The following GNAS variants were observed in gnomAD, a reference collection of about 807,000 sequenced individuals.
GNAS encodes the protein protein ALEX.
In GNAS, 8 loss-of-function variants were observed where a neutral mutation model predicts 54.5. That is an observed-to-expected ratio of 0.15 (90% CI 0.09 to 0.26). The LOEUF (loss-of-function observed/expected upper bound fraction) is 0.26. Ranked by LOEUF, GNAS falls within the 10% of genes least tolerant of loss-of-function variation. The pLI is 1.00. For synonymous variants in GNAS, 204 were observed against 191.4 expected, an observed-to-expected ratio of 1.07 and a Z score of -0.54; for missense variants, 170 against 529.8, an observed-to-expected ratio of 0.32 and a Z score of 6.67.
chr20:58,892,826 G>A (rs929689002), intron 1 of GNAS, among the ~76,000 whole-genome samples: 10 of 151,700 alleles, frequency 6.6e-5, no homozygotes, highest in African/African-American at 2.4e-4. Context: ...TTCCAGACTT[G>A]CAGGCTTTTT....
In GNAS at chr20:58,891,682, G is replaced by GCCGCCGCCGCAGCCCGGCCGCGCC. The variant is rs777741604; in HGVS notation, c.-34_-11dup. The GCCGCCGCCGCAGCCCGGCCGCGCC allele has an allele frequency of 7.3e-6, 7 of 962,522 alleles. No homozygotes were observed. Among genetic ancestry groups the GCCGCCGCCGCAGCCCGGCCGCGCC allele is most frequent in the African/African-American group, 3.8e-5 (2 of 53,278 alleles). The allele number at this position is 962,522 out of a possible 1,614,324, so 59.6% of individuals were successfully genotyped here. A position where few individuals can be genotyped will look rare whatever the true frequency, so the allele number is the denominator to read the frequency against. On this transcript the variant is annotated 5_prime_UTR_variant, in exon 1 of 13. Transcript: ENST00000371085. ...GGCCCGCGTGAGGCCGCCCGCGCCC[G>GCCGCCGCCGCAGCCCGGCCGCGCC]CCGCCGCCGCAGCCCGGCCGCGCCC...
rs1256846732 is a variant in GNAS, at chr20:58,909,236, A to G, written c.585+20A>G. Reference sequence around the variant, plus strand: ...GATCAGGTGTGCAAAACCCCTCCCCACCAGAGGACTCTGAGCCCTCTTTCC... The same window carrying G: ...GATCAGGTGTGCAAAACCCCTCCCCGCCAGAGGACTCTGAGCCCTCTTTCC... On this transcript the variant is annotated intron_variant, in intron 7 of 12. Transcript: ENST00000371085. This position sits in a 1 kb window ranked among gnomAD's most constrained non-coding sequence, Gnocchi z 7.3. The G allele has an allele frequency of 3.7e-6, 6 of 1,607,474 alleles. No homozygotes were observed. The highest frequency in any genetic ancestry group is 5.1e-6 in the Non-Finnish European group (6 of 1,174,034).
intron 3 of GNAS, among the ~76,000 whole-genome samples, chr20:58,902,753 T>G (rs1400674540): frequency 8.0e-5 from 10 of 125,130 alleles, no homozygotes; most frequent in South Asian, 4.8e-4. Context: ...TTTTTTTTTT[T>G]GACAGAGTCT....
At chr20:58,861,074 C>T (rs983602685) in intron 1 of GNAS, among the ~76,000 whole-genome samples, 1 of 152,120 alleles carries the variant, frequency 6.6e-6, no homozygotes, top group Non-Finnish European at 1.5e-5. Context: ...GTTTTTCCTC[C>T]AAATAAAACT....
intron 1 of GNAS, chr20:58,876,836 G>T (rs750746191): frequency 1.3e-5 from 2 of 152,278 alleles, no homozygotes; most frequent in Non-Finnish European, 2.9e-5. Flanking sequence ...ACCTTGCGTG[G>T]ATCTAAAGCC....
upstream of GNAS, chr20:58,889,202 G>A (rs1463154600): frequency 7.4e-6 from 9 of 1,208,172 alleles, no homozygotes; most frequent in Non-Finnish European, 9.5e-6. Flanking sequence ...ACCGCGGAGC[G>A]GGCTGCGTCA....
intron 3 of GNAS, among the ~76,000 whole-genome samples, chr20:58,902,050 A>G (rs2090657936): frequency 6.6e-6 from 1 of 151,968 alleles, no homozygotes; most frequent in African/African-American, 2.4e-5. Context: ...AGATTAAAAA[A>G]TATATATATA....
chr20:58,868,768 T>C (rs2087230136), intron 1 of GNAS, among the ~76,000 whole-genome samples: 3 of 152,168 alleles, frequency 2.0e-5, no homozygotes, highest in Non-Finnish European at 4.4e-5. Flanking sequence ...GGTTCTTATT[T>C]TGGGGGGACT....
At chr20:58,902,260 T>C (rs1329634837) in intron 3 of GNAS, among the ~76,000 whole-genome samples, 3 of 152,172 alleles carry the variant, frequency 2.0e-5, no homozygotes, top group Non-Finnish European at 4.4e-5. Context: ...TTTTGGGCTA[T>C]AGACCTGATG....
In GNAS at chr20:58,910,475, C is replaced by T; in HGVS notation, c.1038+74C>T. 1 of 1,292,190 alleles carries T rather than the reference C, an allele frequency of 7.7e-7. No homozygotes were observed. Among genetic ancestry groups the T allele is most frequent in the East Asian group, 2.3e-5 (1 of 43,264 alleles). The allele number at this position is 1,292,190 out of a possible 1,614,324, so 80.0% of individuals were successfully genotyped here. On this transcript the variant is annotated intron_variant, in intron 12 of 12. Transcript: ENST00000371085. This position sits in a 1 kb window ranked among gnomAD's most constrained non-coding sequence, Gnocchi z 5.8. Reference sequence around the variant, plus strand: ...TCATGGATGTAAATTTACTTAATTCCAAATTCAGGGGTTCAGCTACCCAGT... The same window carrying T: ...TCATGGATGTAAATTTACTTAATTCTAAATTCAGGGGTTCAGCTACCCAGT...
Position 58,853,765 on chromosome 20 carries a change from A to G in GNAS, c.43+12879A>G, listed in dbSNP as rs61749695. ...GAAGAAGCTATGCCCTTTGAGTTTG[A>G]CCAGCCTGCCCAGAGAGGCTGCAGT... On this transcript the variant is annotated intron_variant, in intron 1 of 12. Transcript: ENST00000306090. The surrounding 1 kb of genome is among the most constrained non-coding windows in gnomAD (Gnocchi z 4.4). 1.3e-3 allele frequency: 2,040 copies of G among 1,613,354 alleles called. 18 individuals are homozygous for G. The African/African-American group carries it at 0.024, about 19-fold the overall frequency.
At chr20:58,849,736 AC>A (rs1191026465) in intron 1 of GNAS, among the ~76,000 whole-genome samples, 2 of 151,800 alleles carry the variant, frequency 1.3e-5, no homozygotes, top group African/African-American at 4.8e-5. Context: ...ATCCTTTGGG[AC>A]CCCTCTTGAG....
chr20:58,899,523 T>G (rs765211991), intron 3 of GNAS: 1 of 546,654 alleles, frequency 1.8e-6, no homozygotes, highest in Non-Finnish European at 3.6e-6. Flanking sequence ...TTAAAAATGA[T>G]CAAATTTATT....
At chr20:58,894,990 G>A (rs2089907661) in intron 1 of GNAS, among the ~76,000 whole-genome samples, 1 of 152,206 alleles carries the variant, frequency 6.6e-6, no homozygotes, top group East Asian at 1.9e-4. Context: ...GAAAGAGGAG[G>A]ATGGATAAGT....
At chr20:58,895,307 C>T in intron 1 of GNAS, 4 of 406,556 alleles carry the variant, frequency 9.8e-6, no homozygotes, top group South Asian at 2.3e-5. Flanking sequence ...TGCGTCATTC[C>T]TTCTCTTTGC....
intron 1 of GNAS, among the ~76,000 whole-genome samples, chr20:58,893,062 GTTTCT>G (rs1157674347): frequency 5.4e-5 from 6 of 111,492 alleles, no homozygotes; most frequent in Admixed American, 9.8e-5. Context: ...AAATGGCGTG[GTTTCT>G]TTTTTTTTTT....
chr20:58,892,456 G>C (rs2089529987), intron 1 of GNAS: 1 of 145,518 alleles, frequency 6.9e-6, no homozygotes, highest in Non-Finnish European at 1.5e-5. Context: ...AGAAGTGGCC[G>C]AGGAGAGTGG....
Position 58,891,613 on chromosome 20 carries a change from A to AGCCCGCGCCCGGCCC in GNAS, c.-107_-93dup. 2.1e-6 allele frequency: 2 copies of AGCCCGCGCCCGGCCC among 962,708 alleles called. No homozygotes were observed. Among genetic ancestry groups the AGCCCGCGCCCGGCCC allele is most frequent in the Non-Finnish European group, 1.2e-6 (1 of 820,086 alleles). 59.6% of individuals were successfully genotyped at this position (962,708 alleles called of 1,614,324 possible). A position where few individuals can be genotyped will look rare whatever the true frequency, so the allele number is the denominator to read the frequency against. The stretch of plus-strand genomic sequence containing the variant: ...CCGCGCGCTCCTTGCCGAGGAGCCG[A>AGCCCGCGCCCGGCCC]GCCCGCGCCCGGCCCGCCCGCCCGG... On this transcript the variant is annotated 5_prime_UTR_variant, in exon 1 of 13. Transcript: ENST00000371085.
In GNAS at chr20:58,891,859, C is replaced by T. The variant is rs771661504; in HGVS notation, c.133C>T (p.Leu45=). The change falls in exon 1 of 13, where the codon CTG becomes TTG. Residue 45 remains leucine (L), a synonymous_variant. Transcript: ENST00000371085. ...CTACCGGGCCACGCACCGCCTGCTG[C>T]TGCTGGGTAAGGGCGGGCGGGGGGC... ...QVYRATHRLL[L]LGAGESGKST... The T allele has an allele frequency of 5.7e-6, 7 of 1,225,048 alleles. No individual in the cohort carries two copies. The highest frequency in any genetic ancestry group is 7.4e-6 in the Non-Finnish European group (7 of 944,056). The allele number at this position is 1,225,048 out of a possible 1,614,324, so 75.9% of individuals were successfully genotyped here.
Sources: allele counts gnomAD v4.1 joint callset (sites outside exome capture counted in the v4.1 genomes callset), GRCh38; gene constraint gnomAD v4.1.1; non-coding constraint Gnocchi (gnomAD v3.1); transcripts MANE v1.5; gene names NCBI Gene and HGNC (gene_info 2026-07-23, HGNC 2026-07-21).